PCDHGB1: variants seen among roughly 807,000 people sequenced by gnomAD.
PCDHGB1 encodes the protein protocadherin gamma-B1.
A neutral mutation model predicts 56.6 loss-of-function variants in PCDHGB1; 34 were observed. That is an observed-to-expected ratio of 0.60 (90% CI 0.46 to 0.80). The LOEUF is 0.80. Ranked by LOEUF, PCDHGB1 falls within the 30% of genes least tolerant of loss-of-function variation. PCDHGB1 has a pLI of 0.00. For missense variants in PCDHGB1, 1,278 were observed against 1,204.6 expected, an observed-to-expected ratio of 1.06 and a Z score of -0.90; for synonymous variants, 561 against 505.9, an observed-to-expected ratio of 1.11 and a Z score of -1.46.
chr5:141,502,866 C>CTT (rs549047197), intron 2 of PCDHGB1, among the ~76,000 whole-genome samples: 3 of 128,046 alleles, frequency 2.3e-5, no homozygotes, highest in Non-Finnish European at 3.2e-5. Flanking sequence ...GACTCTCTGT[C>CTT]TTTTTTTTTT....
chr5:141,375,967 G>C (rs200712802), intron 1 of PCDHGB1: 9 of 1,613,254 alleles, frequency 5.6e-6, no homozygotes, highest in East Asian at 2.2e-5. Flanking sequence ...AGGTGCGCAC[G>C]GCGCGCGCCC....
At chr5:141,357,705 A>G (rs758183715) in intron 1 of PCDHGB1, 18 of 1,494,178 alleles carry the variant, frequency 1.2e-5, no homozygotes, top group Non-Finnish European at 1.6e-5. Flanking sequence ...TATGTAATAT[A>G]TCAAATAAAG....
rs755270981 is a variant in PCDHGB1, at chr5:141,408,462, AGAACC to A, written c.2409+55797_2409+55801del. On this transcript the variant is annotated intron_variant, in intron 1 of 3. Coordinates refer to ENST00000523390, the MANE Select transcript of PCDHGB1 (RefSeq NM_018922.3). Reference sequence around the variant, plus strand: ...GCGGAGAGCGGGGACTTACTTGTGAAGAACCGAATAGACCGTGAGCAAATATGCAA... The same window carrying A: ...GCGGAGAGCGGGGACTTACTTGTGAAGAATAGACCGTGAGCAAATATGCAA... 2.2e-5 allele frequency: 35 copies of A among 1,613,962 alleles called. No homozygotes were observed. The South Asian group carries it at 3.3e-4, about 15-fold the overall frequency.
intron 1 of PCDHGB1, among the ~76,000 whole-genome samples, chr5:141,429,654 T>C (rs1373502548): frequency 6.6e-6 from 1 of 152,232 alleles, no homozygotes; most frequent in Non-Finnish European, 1.5e-5. Context: ...TTCTTCCCAA[T>C]TTAAAATATA....
intron 1 of PCDHGB1, chr5:141,413,000 A>G: frequency 1.7e-6 from 1 of 587,734 alleles, no homozygotes; most frequent in Admixed American, 3.6e-5. Context: ...CCGGATTCTC[A>G]GGGCTTCAAC....
At chr5:141,510,402 G>A (rs2099880998) in intron 3 of PCDHGB1, among the ~76,000 whole-genome samples, 1 of 152,008 alleles carries the variant, frequency 6.6e-6, no homozygotes, top group African/African-American at 2.4e-5. Flanking sequence ...GCAAAGGCTA[G>A]GGGCATGTAA....
intron 2 of PCDHGB1, among the ~76,000 whole-genome samples, chr5:141,499,868 A>G (rs2099794957): frequency 6.6e-6 from 1 of 152,024 alleles, no homozygotes; most frequent in Non-Finnish European, 1.5e-5. Context: ...TTGTATTTTC[A>G]GTACAAACAG....
intron 2 of PCDHGB1, among the ~76,000 whole-genome samples, chr5:141,496,040 AT>A (rs2099765531): frequency 1.3e-5 from 2 of 150,356 alleles, no homozygotes; most frequent in Admixed American, 6.6e-5. Flanking sequence ...TCTGTCTCTC[AT>A]TTTTTTGTGC....
chr5:141,475,870 C>CAGTT, intron 1 of PCDHGB1: 1 of 511,190 alleles, frequency 2.0e-6, no homozygotes, highest in East Asian at 3.3e-5. Context: ...ATTCTTCGTG[C>CAGTT]AGTTATTGGC....
intron 1 of PCDHGB1, chr5:141,365,241 T>C: frequency 6.2e-7 from 1 of 1,614,002 alleles, no homozygotes; most frequent in Non-Finnish European, 8.5e-7. Context: ...ATCTCAACTC[T>C]ACAATCACTG....
At chr5:141,421,875 A>C (rs1345376105) in intron 1 of PCDHGB1, 2 of 1,613,648 alleles carry the variant, frequency 1.2e-6, no homozygotes, top group South Asian at 2.2e-5. Flanking sequence ...TCACAGCTTT[A>C]GATGGAGGCG....
intron 1 of PCDHGB1, chr5:141,355,053 G>A (rs1759700050): frequency 2.5e-6 from 3 of 1,205,186 alleles, no homozygotes; most frequent in Non-Finnish European, 3.4e-6. Flanking sequence ...ACAAAGCACT[G>A]GCTCTGGAGC....
intron 1 of PCDHGB1, among the ~76,000 whole-genome samples, chr5:141,359,508 A>G (rs1481865677): frequency 1.3e-5 from 2 of 151,268 alleles, no homozygotes; most frequent in Admixed American, 6.6e-5. Context: ...CTAGATAACT[A>G]TATTATGGGC....
chr5:141,511,202 C>T lies in PCDHGB1; in HGVS notation c.*29C>T, dbSNP rs201024828. 2.0e-3 allele frequency: 3,296 copies of T among 1,612,132 alleles called. 7 individuals carry two copies. Among genetic ancestry groups the T allele is most frequent in the Middle Eastern group, 0.013 (77 of 6,006 alleles). On this transcript the variant is annotated 3_prime_UTR_variant, in exon 4 of 4. Coordinates refer to ENST00000523390, the MANE Select transcript of PCDHGB1 (RefSeq NM_018922.3). ...GGAGGCCAGGCCAAGAGCCACAGGG[C>T]GGCCTCTCCCCAACCAGCCCAGCTT...
intron 1 of PCDHGB1, chr5:141,410,406 C>A (rs1361000460): frequency 6.2e-7 from 1 of 1,614,050 alleles, no homozygotes; most frequent in Non-Finnish European, 8.5e-7. Flanking sequence ...TGTGTCAAGT[C>A]TGGACCTGTA....
intron 3 of PCDHGB1, among the ~76,000 whole-genome samples, chr5:141,509,732 C>T (rs931066969): frequency 3.9e-5 from 6 of 152,182 alleles, no homozygotes; most frequent in Non-Finnish European, 5.9e-5. Flanking sequence ...CTAGCTGTGG[C>T]ACTCTGAGCC....
chr5:141,403,849 G>A, intron 1 of PCDHGB1: 1 of 1,613,560 alleles, frequency 6.2e-7, no homozygotes, highest in East Asian at 2.2e-5. Flanking sequence ...AAAATACTGG[G>A]GAAATATCAA....
intron 1 of PCDHGB1, chr5:141,382,920 C>T (rs894174603): frequency 2.6e-6 from 4 of 1,558,806 alleles, no homozygotes; most frequent in Admixed American, 1.9e-5. Flanking sequence ...AGCCGAGGGG[C>T]GGGGACTACA....
Position 141,487,397 on chromosome 5 carries a change from G to A in PCDHGB1, c.2410-7410G>A. 1 of 1,614,062 alleles carries A rather than the reference G, an allele frequency of 6.2e-7. No homozygotes were observed. Among genetic ancestry groups the A allele is most frequent in the Middle Eastern group, 1.6e-4 (1 of 6,062 alleles). Reference sequence around the variant, plus strand: ...TCTCACCAGATCTCGAAGGAGGGAGGGGCTTCCCCCTTCCAATGGGATCCT... The same window carrying A: ...TCTCACCAGATCTCGAAGGAGGGAGAGGCTTCCCCCTTCCAATGGGATCCT... On this transcript the variant is annotated intron_variant, in intron 1 of 3. Coordinates refer to ENST00000523390, the MANE Select transcript of PCDHGB1 (RefSeq NM_018922.3). This position sits in a 1 kb window ranked among gnomAD's most constrained non-coding sequence, Gnocchi z 5.0.
Sources: allele counts gnomAD v4.1 joint callset (sites outside exome capture counted in the v4.1 genomes callset), GRCh38; gene constraint gnomAD v4.1.1; non-coding constraint Gnocchi (gnomAD v3.1); transcripts MANE v1.5; gene names NCBI Gene and HGNC (gene_info 2026-07-23, HGNC 2026-07-21).